The following ATG10 variants were observed in gnomAD, a reference collection of about 807,000 sequenced individuals.
ATG10 encodes the protein autophagy related 10.
Under a neutral mutation model 32.1 loss-of-function variants are expected in ATG10, and 30 were observed. The observed-to-expected ratio is 0.94, with a 90% CI of 0.70 to 1.27. The LOEUF (loss-of-function observed/expected upper bound fraction) is 1.27, where lower values mean the gene tolerates loss of function less well. Ranked by LOEUF, ATG10 falls within the 50% of genes most tolerant of loss-of-function variation. The probability of loss-of-function intolerance (pLI) is 0.00; values close to 1 mark genes in which losing one functional copy is unlikely to be tolerated. For synonymous variants in ATG10, 87 were observed against 91.5 expected (o/e 0.95, Z 0.28); for missense variants, 233 against 262.3 (o/e 0.89, Z 0.77).
intron 2 of ATG10, among the ~76,000 whole-genome samples, chr5:82,011,205 T>A (rs559075477): frequency 6.6e-6 from 1 of 152,330 alleles, no homozygotes; most frequent in African/African-American, 2.4e-5. Context: ...TGAATTCTTT[T>A]TTTTTCTAGA....
intron 3 of ATG10, among the ~76,000 whole-genome samples, chr5:82,108,555 A>G (rs1388453349): frequency 1.3e-5 from 2 of 151,998 alleles, no homozygotes; most frequent in African/African-American, 2.4e-5. Flanking sequence ...ATATATATTG[A>G]AAATGTCAAG....
intron 3 of ATG10, among the ~76,000 whole-genome samples, chr5:82,124,911 G>A (rs1471163870): frequency 6.6e-6 from 1 of 152,168 alleles, no homozygotes; most frequent in East Asian, 1.9e-4. Context: ...ATCCACCAGT[G>A]TAAAAGCATT....
intron 3 of ATG10, among the ~76,000 whole-genome samples, chr5:82,116,349 A>G (rs1202705895): frequency 6.6e-6 from 1 of 152,128 alleles, no homozygotes; most frequent in Admixed American, 6.6e-5. Context: ...TAACTATTTC[A>G]TTAAATTGAT....
intron 3 of ATG10, among the ~76,000 whole-genome samples, chr5:82,063,482 G>A (rs1763847318): frequency 6.6e-6 from 1 of 151,714 alleles, no homozygotes; most frequent in African/African-American, 2.4e-5. Context: ...AAAATGCAAT[G>A]AACTGCTAAC....
chr5:82,117,136 C>T (rs1192195628), intron 3 of ATG10, among the ~76,000 whole-genome samples: 1 of 151,966 alleles, frequency 6.6e-6, no homozygotes, highest in African/African-American at 2.4e-5. Flanking sequence ...AAGACATAGC[C>T]CCTACCCTTA....
intron 2 of ATG10, among the ~76,000 whole-genome samples, chr5:82,001,648 A>G (rs1761851721): frequency 6.6e-6 from 1 of 152,184 alleles, no homozygotes; most frequent in Non-Finnish European, 1.5e-5. Context: ...TCGACTCAAG[A>G]TCGATTAAAG....
At chr5:82,157,897 C>A (rs1173783699) in intron 3 of ATG10, among the ~76,000 whole-genome samples, 1 of 152,124 alleles carries the variant, frequency 6.6e-6, no homozygotes, top group Non-Finnish European at 1.5e-5. Context: ...CTATCTTTTC[C>A]TCAAGGGATG....
chr5:82,022,486 C>T (rs543316433), intron 2 of ATG10, among the ~76,000 whole-genome samples: 8 of 151,334 alleles, frequency 5.3e-5, no homozygotes, highest in East Asian at 4.0e-4. Context: ...CCACAATGCC[C>T]GTCTAGTTTT....
chr5:82,139,580 G>C (rs1258119133), intron 3 of ATG10, among the ~76,000 whole-genome samples: 11 of 146,512 alleles, frequency 7.5e-5, no homozygotes, highest in African/African-American at 2.8e-4. Context: ...CGCCCCGTCT[G>C]AGAAGTGAGG....
At chr5:82,249,601 A>G (rs1047607501) in intron 5 of ATG10, among the ~76,000 whole-genome samples, 4 of 152,210 alleles carry the variant, frequency 2.6e-5, no homozygotes, top group Admixed American at 2.0e-4. Context: ...GACAGATACT[A>G]TCATTAGCCA....
At chr5:82,033,676 A>G (rs937735068) in intron 2 of ATG10, among the ~76,000 whole-genome samples, 8 of 151,528 alleles carry the variant, frequency 5.3e-5, no homozygotes, top group African/African-American at 1.2e-4. Context: ...CTCTTCTCCA[A>G]TTAGACTCAC....
At chr5:82,191,637 G>T (rs1396540250) in intron 5 of ATG10, among the ~76,000 whole-genome samples, 1 of 152,150 alleles carries the variant, frequency 6.6e-6, no homozygotes. Context: ...TGCCATACTA[G>T]GGAGCTCACG....
At chr5:82,042,543 A>G (rs1002447430) in intron 2 of ATG10, among the ~76,000 whole-genome samples, 9 of 152,210 alleles carry the variant, frequency 5.9e-5, no homozygotes, top group African/African-American at 2.2e-4. Flanking sequence ...CATTAATTCA[A>G]AAGTCCAGAG....
At chr5:82,200,181 A>AT (rs775642261) in intron 5 of ATG10, among the ~76,000 whole-genome samples, 18 of 150,290 alleles carry the variant, frequency 1.2e-4, no homozygotes, top group East Asian at 1.9e-4. Flanking sequence ...CTATATGATA[A>AT]TTTTTTTTTA....
At chr5:82,058,374 C>G in intron 2 of ATG10, 121 bp from the exon 3 acceptor site, 1 of 689,218 alleles carries the variant, frequency 1.5e-6, no homozygotes, top group South Asian at 1.9e-5. Context: ...TCCATATAGT[C>G]TCATTTAGTA....
intron 5 of ATG10, among the ~76,000 whole-genome samples, chr5:82,181,534 C>T (rs1216320087): frequency 6.6e-6 from 1 of 152,002 alleles, no homozygotes; most frequent in Non-Finnish European, 1.5e-5. Flanking sequence ...ACAAGGTGTC[C>T]TCAGTGAGAT....
intron 2 of ATG10, among the ~76,000 whole-genome samples, chr5:82,039,282 T>A (rs1233519355): frequency 6.6e-6 from 1 of 152,234 alleles, no homozygotes; most frequent in African/African-American, 2.4e-5. Context: ...ATTCCATGAG[T>A]CACTTTATTT....
At chr5:82,115,309 A>G (rs1765764339) in intron 3 of ATG10, among the ~76,000 whole-genome samples, 1 of 152,084 alleles carries the variant, frequency 6.6e-6, no homozygotes, top group Admixed American at 6.6e-5. Flanking sequence ...TTATTAAAGT[A>G]CAACAGTGAT....
At chr5:82,050,011 T>G (rs992233760) in intron 2 of ATG10, among the ~76,000 whole-genome samples, 1 of 152,066 alleles carries the variant, frequency 6.6e-6, no homozygotes, top group Non-Finnish European at 1.5e-5. Context: ...ATGAAAATCT[T>G]TCCCTCCTTC....
Sources: gnomAD v4.1 joint callset for allele counts (sites outside exome capture counted in the v4.1 genomes callset) on GRCh38, gnomAD v4.1.1 for gene constraint, MANE v1.5 for transcripts, NCBI Gene and HGNC (gene_info 2026-07-23, HGNC 2026-07-21) for gene names.